The following TENM3 variants were observed in gnomAD, a reference collection of about 807,000 sequenced individuals.
TENM3 encodes the protein teneurin-3.
TENM3 carries 63 observed loss-of-function variants against 255.1 expected under a neutral mutation model. The ratio of observed to expected loss-of-function variants is 0.25; its 90% CI spans 0.20 to 0.30. The LOEUF (loss-of-function observed/expected upper bound fraction) is 0.30, where lower values mean the gene tolerates loss of function less well. TENM3 is among the 10% of genes least tolerant of loss of function. TENM3 has a pLI of 1.00. For synonymous variants in TENM3, 1,306 were observed against 1,322.3 expected (o/e 0.99, Z 0.27); for missense variants, 2,929 against 3,461.1 (o/e 0.85, Z 3.86).
At chr4:182,304,694 G>A in intron 1 of TENM3, among the ~76,000 whole-genome samples, 1 of 152,102 alleles carries the variant, frequency 6.6e-6, no homozygotes, top group Non-Finnish European at 1.5e-5. Context: ...GAAAATGATG[G>A]CACAATAAAA....
chr4:182,113,256 C>T, the TENM3 span, among the ~76,000 whole-genome samples: 1 of 152,124 alleles, frequency 6.6e-6, no homozygotes, highest in African/African-American at 2.4e-5. Flanking sequence ...ATTTCATTTG[C>T]TATCTTAATT....
the TENM3 span, among the ~76,000 whole-genome samples, chr4:181,717,266 G>A: frequency 6.6e-6 from 1 of 152,186 alleles, no homozygotes; most frequent in Admixed American, 6.5e-5. Context: ...CCATGTAATA[G>A]GAGTTCTGTC....
the TENM3 span, chr4:181,906,186 T>C: frequency 4.1e-6 from 1 of 245,828 alleles, no homozygotes. Flanking sequence ...AAGAAGTTCA[T>C]CATCTGTTTT....
chr4:181,617,741 A>C, the TENM3 span, among the ~76,000 whole-genome samples: 1 of 152,224 alleles, frequency 6.6e-6, no homozygotes, highest in South Asian at 2.1e-4. Context: ...AATTATTGTC[A>C]AGGAAAATTT....
chr4:181,753,107 T>TA, the TENM3 span, among the ~76,000 whole-genome samples: 1 of 151,650 alleles, frequency 6.6e-6, no homozygotes, highest in Non-Finnish European at 1.5e-5. Flanking sequence ...TTTGGAAGTG[T>TA]AAAAAAAATC....
intron 3 of TENM3, among the ~76,000 whole-genome samples, chr4:182,435,212 A>G (rs1580530154): frequency 1.3e-5 from 2 of 152,144 alleles, no homozygotes; most frequent in Admixed American, 6.5e-5. Context: ...GGTTTTGTTC[A>G]GTAGAGTCAA....
chr4:181,554,272 C>T, the TENM3 span, among the ~76,000 whole-genome samples: 353 of 152,258 alleles, frequency 2.3e-3, 3 homozygotes, highest in South Asian at 0.014. Context: ...AAGCTGCGGG[C>T]GGTGTCTGCC....
chr4:181,725,893 A>T, the TENM3 span, among the ~76,000 whole-genome samples: 4 of 152,170 alleles, frequency 2.6e-5, no homozygotes, highest in Non-Finnish European at 5.9e-5. Flanking sequence ...TTTAGTAACG[A>T]CACTTTAGGG....
At chr4:181,467,571 T>C in the TENM3 span, among the ~76,000 whole-genome samples, 1 of 152,054 alleles carries the variant, frequency 6.6e-6, no homozygotes. Flanking sequence ...AATAATTAAA[T>C]AGAGTAAAAA....
chr4:182,542,352 G>A (rs1264486060), intron 3 of TENM3, among the ~76,000 whole-genome samples: 1 of 152,102 alleles, frequency 6.6e-6, no homozygotes, highest in African/African-American at 2.4e-5. Context: ...AGTACCTGAG[G>A]CACAGCTTAC....
At chr4:181,871,989 C>A in the TENM3 span, among the ~76,000 whole-genome samples, 3 of 152,060 alleles carry the variant, frequency 2.0e-5, no homozygotes, top group Admixed American at 1.3e-4. Flanking sequence ...TTATTTATGT[C>A]TATATTCAGG....
intron 3 of TENM3, among the ~76,000 whole-genome samples, chr4:182,463,472 CT>C (rs920859225): frequency 8.8e-4 from 128 of 145,382 alleles, no homozygotes; most frequent in Middle Eastern, 3.6e-3. Flanking sequence ...TGTAGTATCA[CT>C]TTTTTTTTTT....
chr4:181,512,920 T>G, the TENM3 span, among the ~76,000 whole-genome samples: 1 of 152,210 alleles, frequency 6.6e-6, no homozygotes, highest in Non-Finnish European at 1.5e-5. Context: ...AGAATGATAC[T>G]AATTAAGTGT....
chr4:182,086,334 T>G, the TENM3 span, among the ~76,000 whole-genome samples: 1 of 152,238 alleles, frequency 6.6e-6, no homozygotes, highest in Admixed American at 6.5e-5. Flanking sequence ...GGAATACAGC[T>G]AAGACACCAC....
At chr4:181,673,874 G>GTA in the TENM3 span, among the ~76,000 whole-genome samples, 1 of 151,824 alleles carries the variant, frequency 6.6e-6, no homozygotes, top group South Asian at 2.1e-4. Flanking sequence ...GTGTGTGTGT[G>GTA]TGTGTGTGTG....
the TENM3 span, among the ~76,000 whole-genome samples, chr4:181,753,904 G>A: frequency 1.3e-5 from 2 of 152,142 alleles, no homozygotes; most frequent in Admixed American, 1.3e-4. Flanking sequence ...GATGGGCTGG[G>A]ATTCCTCAGC....
chr4:182,475,948 T>G (rs1442772973), intron 3 of TENM3, among the ~76,000 whole-genome samples: 3 of 152,218 alleles, frequency 2.0e-5, no homozygotes, highest in Non-Finnish European at 4.4e-5. Flanking sequence ...CCAGTCTCTC[T>G]CGTACATTTG....
chr4:182,067,087 T>TC, the TENM3 span, among the ~76,000 whole-genome samples: 3 of 152,078 alleles, frequency 2.0e-5, no homozygotes. Context: ...TTTCTGTCTT[T>TC]CCCCCTCTAT....
chr4:182,390,852 A>G (rs1768378173), intron 3 of TENM3, among the ~76,000 whole-genome samples: 1 of 152,180 alleles, frequency 6.6e-6, no homozygotes, highest in Non-Finnish European at 1.5e-5. Flanking sequence ...CCCACTTGAT[A>G]TGATGATTAC....
Sources: allele counts gnomAD v4.1 joint callset (sites outside exome capture counted in the v4.1 genomes callset), GRCh38; gene constraint gnomAD v4.1.1; transcripts MANE v1.5; gene names NCBI Gene and HGNC (gene_info 2026-07-23, HGNC 2026-07-21).